The following PDGFD variants were observed in gnomAD, a reference collection of about 807,000 sequenced individuals.
PDGFD encodes platelet-derived growth factor D.
Under a neutral mutation model 44.7 loss-of-function variants are expected in PDGFD, and 30 were observed. The ratio of observed to expected loss-of-function variants is 0.67; its 90% confidence interval spans 0.50 to 0.91. The LOEUF is 0.91. Among genes scored for constraint, PDGFD ranks in the 40% least tolerant of loss-of-function variants. The pLI, the probability that PDGFD is intolerant of heterozygous loss-of-function variation, is 0.00. For missense variants in PDGFD, 445 were observed against 457.8 expected, an observed-to-expected ratio of 0.97 and a Z score of 0.25; for synonymous variants, 173 against 168.4, an observed-to-expected ratio of 1.03 and a Z score of -0.21.
chr11:104,132,306 C>T (rs376056076), intron 1 of PDGFD, among the ~76,000 whole-genome samples: 1 of 152,072 alleles, frequency 6.6e-6, no homozygotes, highest in Non-Finnish European at 1.5e-5. Flanking sequence ...ACAAGTAGCA[C>T]AGCCTTGACA....
intron 1 of PDGFD, among the ~76,000 whole-genome samples, chr11:104,110,397 AGTT>A (rs35932088): frequency 0.32 from 47,845 of 151,298 alleles, 7,868 homozygotes; most frequent in Middle Eastern, 0.51. Flanking sequence ...TGTGAGTAGT[AGTT>A]ATCTCAGACC....
rs1303329448 is a variant in PDGFD at position 104,047,194 on chromosome 11, TA to T, written c.125-46940del. Among the ~76,000 whole-genome samples, 8 of 147,914 alleles carry T rather than the reference TA, an allele frequency of 5.4e-5. 1 individual carries two copies. The East Asian group carries it at 1.6e-3, about 29-fold the overall frequency. On this transcript the variant is annotated intron_variant, in intron 1 of 6. Coordinates refer to ENST00000393158, the MANE Select transcript of PDGFD (RefSeq NM_025208.5). ...TTTGCCATTGTGAACAGTGCTGCAATAAACATACGTGTGCATGTATCTTTAT... is the reference window on the plus strand; with the variant it reads ...TTTGCCATTGTGAACAGTGCTGCAATAACATACGTGTGCATGTATCTTTAT...
intron 3 of PDGFD, among the ~76,000 whole-genome samples, chr11:103,965,568 A>C (rs923328): frequency 0.23 from 34,930 of 152,178 alleles, 5,219 homozygotes; most frequent in Admixed American, 0.43. Context: ...TATGGGTAGA[A>C]AGAATACAAT....
At chr11:103,947,624 C>T (rs375015387) in intron 4 of PDGFD, 38 bp downstream of exon 4, 18 of 1,545,558 alleles carry the variant, frequency 1.2e-5, no homozygotes, top group African/African-American at 8.1e-5. Context: ...CTGTTCCATC[C>T]GTTTCTTTTG....
chr11:104,016,932 T>C (rs1030065870), intron 1 of PDGFD, among the ~76,000 whole-genome samples: 1 of 152,220 alleles, frequency 6.6e-6, no homozygotes, highest in Non-Finnish European at 1.5e-5. Flanking sequence ...TTTTCAGCCA[T>C]GAAATATTTC....
intron 1 of PDGFD, among the ~76,000 whole-genome samples, chr11:104,033,812 A>T (rs778170087): frequency 3.3e-5 from 5 of 152,238 alleles, no homozygotes; most frequent in Non-Finnish European, 5.9e-5. Flanking sequence ...GACATCTCAC[A>T]TGATAATTGT....
intron 1 of PDGFD, among the ~76,000 whole-genome samples, chr11:104,024,077 A>T (rs964447068): frequency 2.6e-5 from 4 of 152,176 alleles, no homozygotes; most frequent in African/African-American, 9.7e-5. Context: ...CTCAGGAAAA[A>T]ATGTCACATG....
At chr11:103,948,417 A>T (rs984363303) in intron 3 of PDGFD, among the ~76,000 whole-genome samples, 1 of 152,342 alleles carries the variant, frequency 6.6e-6, no homozygotes, top group South Asian at 2.1e-4. Flanking sequence ...GTGTGATAGC[A>T]ATAGATCACA....
chr11:104,132,069 C>CAA (rs140756105), intron 1 of PDGFD, among the ~76,000 whole-genome samples: 1 of 151,810 alleles, frequency 6.6e-6, no homozygotes, highest in Non-Finnish European at 1.5e-5. Flanking sequence ...GTGAGCATGC[C>CAA]AAAAAACAGG....
chr11:104,146,570 G>C (rs1220458380), intron 1 of PDGFD, among the ~76,000 whole-genome samples: 3 of 152,118 alleles, frequency 2.0e-5, no homozygotes, highest in African/African-American at 7.2e-5. Context: ...TATGATGTGG[G>C]ATGCCCTCTT....
At chr11:104,037,969 G>A in intron 1 of PDGFD, 1 of 1,614,066 alleles carries the variant, frequency 6.2e-7, no homozygotes, top group South Asian at 1.1e-5. Flanking sequence ...TTCGGACAAG[G>A]AAATTACACA....
chr11:104,136,595 A>G (rs149111155), intron 1 of PDGFD, among the ~76,000 whole-genome samples: 47 of 152,336 alleles, frequency 3.1e-4, no homozygotes, highest in African/African-American at 1.1e-3. Context: ...TTTTCTAACT[A>G]TACGCACGTA....
intron 5 of PDGFD, among the ~76,000 whole-genome samples, chr11:103,940,105 G>A (rs1283959546): frequency 1.3e-5 from 2 of 151,506 alleles, no homozygotes; most frequent in South Asian, 2.1e-4. Context: ...TTTTGCATTC[G>A]CCATTTTCAA....
chr11:103,990,988 A>G (rs567604137), intron 3 of PDGFD, among the ~76,000 whole-genome samples: 6 of 152,022 alleles, frequency 3.9e-5, no homozygotes, highest in Admixed American at 6.6e-5. Flanking sequence ...AAATACAAAA[A>G]ATTAGCCGAG....
At chr11:103,991,667 G>T (rs1031697524) in intron 3 of PDGFD, among the ~76,000 whole-genome samples, 1 of 152,040 alleles carries the variant, frequency 6.6e-6, no homozygotes, top group Non-Finnish European at 1.5e-5. Context: ...AGACACACAC[G>T]CAAGTGGGCT....
chr11:104,119,772 A>T (rs1591174857), intron 1 of PDGFD, among the ~76,000 whole-genome samples: 1 of 112,242 alleles, frequency 8.9e-6, no homozygotes, highest in Admixed American at 1.2e-4. Context: ...AATATATGAT[A>T]AAATATAATA....
intron 1 of PDGFD, among the ~76,000 whole-genome samples, chr11:104,103,462 G>GTGTGTATATATATATATATA (rs1041388346): frequency 1.5e-5 from 2 of 133,266 alleles, no homozygotes; most frequent in African/African-American, 5.5e-5. Flanking sequence ...GTGTGTGTGT[G>GTGTGTATATATATATATATA]TATATATATA....
At chr11:104,020,965 C>G (rs903145896) in intron 1 of PDGFD, among the ~76,000 whole-genome samples, 7 of 151,924 alleles carry the variant, frequency 4.6e-5, no homozygotes, top group Admixed American at 3.9e-4. Flanking sequence ...ATGAAGAATA[C>G]CTTGGGCCAA....
chr11:104,035,349 C>A (rs1301344497), intron 1 of PDGFD, among the ~76,000 whole-genome samples: 2 of 152,140 alleles, frequency 1.3e-5, no homozygotes, highest in African/African-American at 4.8e-5. Context: ...CATGTTTATT[C>A]TCTACTGCTT....
Sources: allele counts gnomAD v4.1 joint callset (sites outside exome capture counted in the v4.1 genomes callset), GRCh38; gene constraint gnomAD v4.1.1; transcripts MANE v1.5; gene names NCBI Gene and HGNC (gene_info 2026-07-23, HGNC 2026-07-21).